The following ZMIZ1 variants were observed in gnomAD, a reference collection of about 807,000 sequenced individuals.
ZMIZ1 encodes zinc finger MIZ-type containing 1.
ZMIZ1 carries 17 observed loss-of-function variants against 113.9 expected under a neutral mutation model. That is an observed-to-expected ratio of 0.15 (90% confidence interval 0.10 to 0.22). The LOEUF is 0.22. Among genes scored for constraint, ZMIZ1 ranks in the 10% least tolerant of loss-of-function variants. The probability of loss-of-function intolerance (pLI) is 1.00; values close to 1 mark genes in which losing one functional copy is unlikely to be tolerated. For missense variants in ZMIZ1, 1,059 were observed against 1,477.8 expected (o/e 0.72, Z 4.65); for synonymous variants, 607 against 603.1 (o/e 1.01, Z -0.09).
intron 4 of ZMIZ1, among the ~76,000 whole-genome samples, chr10:79,186,820 G>C (rs555895307): frequency 1.1e-4 from 16 of 152,186 alleles, no homozygotes; most frequent in Non-Finnish European, 1.9e-4. Context: ...CGTGCCACCC[G>C]CCAGGCTGAC....
intron 3 of ZMIZ1, 129 bp downstream of exon 3, chr10:79,139,906 C>T (rs1845187282): frequency 2.5e-6 from 1 of 398,066 alleles, no homozygotes; most frequent in Non-Finnish European, 4.4e-6. Context: ...TTCTCACAGC[C>T]TTTCCTGGGC....
intron 7 of ZMIZ1, among the ~76,000 whole-genome samples, chr10:79,224,469 G>A (rs762386810): frequency 2.0e-5 from 3 of 152,050 alleles, no homozygotes; most frequent in Admixed American, 6.6e-5. Context: ...CTCATCTGGG[G>A]GATTAGCTCA....
At chr10:79,077,242 G>A (rs749787336) in intron 1 of ZMIZ1, among the ~76,000 whole-genome samples, 3 of 151,952 alleles carry the variant, frequency 2.0e-5, no homozygotes, top group Non-Finnish European at 2.9e-5. Flanking sequence ...CTTGACCGCC[G>A]CTGGGAAGCA....
intron 4 of ZMIZ1, among the ~76,000 whole-genome samples, chr10:79,193,539 C>A (rs919655283): frequency 1.3e-5 from 2 of 152,190 alleles, no homozygotes; most frequent in Non-Finnish European, 2.9e-5. Flanking sequence ...GCCTGTTCAC[C>A]CATCTAATGA....
In ZMIZ1 at chr10:79,310,979, A is replaced by G; in HGVS notation, c.2891A>G (p.His964Arg). 1.2e-6 allele frequency: 2 copies of G among 1,613,530 alleles called. No homozygotes were observed. Among genetic ancestry groups the G allele is most frequent in the Non-Finnish European group, 1.7e-6 (2 of 1,179,916 alleles). ...QPHPSIQQGL[H>R]VPHPSSQSGP... ...CACCCCTCCATACAACAAGGTTTGC[A>G]CGTACCACACCCCAGCAGCCAGTCA... Residue 964 changes from histidine (H) to arginine (R), a missense_variant, in exon 24 of 25, where the codon CAC becomes CGC. Physicochemically the swap from His to Arg is conservative, Grantham distance 29 (BLOSUM62 0). This residue lies in a region of ZMIZ1 where 225 missense variants were observed against 276.0 expected (regional missense o/e 0.82). Coordinates refer to ENST00000334512, the MANE Select transcript of ZMIZ1 (RefSeq NM_020338.4).
At chr10:79,279,114 CA>C (rs1564576165) in intron 8 of ZMIZ1, among the ~76,000 whole-genome samples, 1 of 149,390 alleles carries the variant, frequency 6.7e-6, no homozygotes, top group African/African-American at 2.5e-5. Flanking sequence ...GGCTGCCCCC[CA>C]CCTCCCGGAC....
chr10:79,307,316 G>C, intron 22 of ZMIZ1, 89 bp from the exon 23 acceptor site: 5 of 1,348,908 alleles, frequency 3.7e-6, no homozygotes, highest in Non-Finnish European at 4.2e-6. Flanking sequence ...AAAGGACTTG[G>C]CTTGTATTTT....
intron 1 of ZMIZ1, among the ~76,000 whole-genome samples, chr10:79,115,186 T>C (rs1217026001): frequency 6.6e-6 from 1 of 152,142 alleles, no homozygotes; most frequent in East Asian, 1.9e-4. Flanking sequence ...ACTCACCACC[T>C]CCCAAGGTAG....
chr10:79,133,445 G>A (rs1448574036), intron 2 of ZMIZ1, among the ~76,000 whole-genome samples: 1 of 152,210 alleles, frequency 6.6e-6, no homozygotes, highest in Admixed American at 6.5e-5. Flanking sequence ...CAGGGGTACA[G>A]CACAGAGAAG....
intron 8 of ZMIZ1, among the ~76,000 whole-genome samples, chr10:79,278,404 ATTAT>A (rs1564575347): frequency 6.7e-6 from 1 of 149,356 alleles, no homozygotes; most frequent in African/African-American, 2.4e-5. Context: ...TTTTATTATT[ATTAT>A]TTATTATTAT....
intron 23 of ZMIZ1, among the ~76,000 whole-genome samples, chr10:79,309,685 G>A (rs1238451996): frequency 6.6e-6 from 1 of 152,220 alleles, no homozygotes; most frequent in East Asian, 1.9e-4. Flanking sequence ...GAAGAGGAAG[G>A]AAGTTGGGGA....
intron 7 of ZMIZ1, among the ~76,000 whole-genome samples, chr10:79,253,527 C>G (rs1469544487): frequency 6.6e-6 from 1 of 152,172 alleles, no homozygotes; most frequent in Non-Finnish European, 1.5e-5. Flanking sequence ...GAAAAGCCTT[C>G]CACGTATGCA....
intron 1 of ZMIZ1, among the ~76,000 whole-genome samples, chr10:79,079,329 C>T (rs1842582525): frequency 6.6e-6 from 1 of 152,224 alleles, no homozygotes; most frequent in Non-Finnish European, 1.5e-5. Context: ...TGCAAACGTG[C>T]ACTTTCCTGG....
chr10:79,110,461 G>A (rs931646550), intron 1 of ZMIZ1, among the ~76,000 whole-genome samples: 3 of 152,180 alleles, frequency 2.0e-5, no homozygotes, highest in African/African-American at 4.8e-5. Context: ...CCGTCCCACC[G>A]AAGAAGAGTT....
chr10:79,253,443 G>A (rs192211358), intron 7 of ZMIZ1, among the ~76,000 whole-genome samples: 4 of 152,272 alleles, frequency 2.6e-5, no homozygotes, highest in African/African-American at 4.8e-5. Context: ...TGGGGCTTAC[G>A]GGTACCTGCA....
At chr10:79,095,699 C>T (rs1360820677) in intron 1 of ZMIZ1, among the ~76,000 whole-genome samples, 2 of 152,210 alleles carry the variant, frequency 1.3e-5, no homozygotes, top group Non-Finnish European at 2.9e-5. Context: ...TTCATCTGGA[C>T]ACATCGTGCA....
At chr10:79,208,929 C>G (rs1848437317) in intron 6 of ZMIZ1, among the ~76,000 whole-genome samples, 1 of 152,144 alleles carries the variant, frequency 6.6e-6, no homozygotes, top group Non-Finnish European at 1.5e-5. Flanking sequence ...CATGTATGAT[C>G]CCTCTGCTAA....
In ZMIZ1 at chr10:79,298,570, A is replaced by G. The variant is rs368418309; in HGVS notation, c.1656A>G (p.Pro552=). The change falls in exon 15 of 25, where the codon CCA becomes CCG. Residue 552 remains proline, a synonymous_variant. Coordinates refer to ENST00000334512, the MANE Select transcript of ZMIZ1 (RefSeq NM_020338.4). ...TCAAGCCAAATATGAGCGCTCTGCCACCACCCCCAGGTGAGGGCCCTCCCT... is the reference window on the plus strand; with the variant it reads ...TCAAGCCAAATATGAGCGCTCTGCCGCCACCCCCAGGTGAGGGCCCTCCCT... ...PDIKPNMSAL[P]PPPANHNDEL... 4.4e-6 allele frequency: 7 copies of G among 1,598,584 alleles called. No individual in the cohort carries two copies. In the East Asian group the frequency reaches 1.4e-4, roughly 32 times the overall value.
At chr10:79,077,201 C>T (rs1842502272) in intron 1 of ZMIZ1, among the ~76,000 whole-genome samples, 1 of 152,144 alleles carries the variant, frequency 6.6e-6, no homozygotes, top group African/African-American at 2.4e-5. Context: ...AGGGGTCCCA[C>T]CCAAACTCCT....
Sources: allele counts gnomAD v4.1 joint callset (sites outside exome capture counted in the v4.1 genomes callset), GRCh38; gene constraint gnomAD v4.1.1; regional missense constraint gnomAD v4.1.1; transcripts MANE v1.5; gene names NCBI Gene and HGNC (gene_info 2026-07-23, HGNC 2026-07-21).